The following SLC22A5 variants were observed in gnomAD, a reference collection of about 807,000 sequenced individuals.
The protein encoded by SLC22A5 is solute carrier family 22 member 5.
In SLC22A5, 44 loss-of-function variants were observed where a neutral mutation model predicts 56.7. The ratio of observed to expected loss-of-function variants is 0.78; its 90% CI spans 0.61 to 1.00. The LOEUF (loss-of-function observed/expected upper bound fraction) is 1.00, where lower values mean the gene tolerates loss of function less well. Among genes scored for constraint, SLC22A5 ranks in the 50% least tolerant of loss-of-function variants. The pLI is 0.00. For missense variants in SLC22A5, 675 were observed against 723.0 expected, an observed-to-expected ratio of 0.93 and a Z score of 0.76; for synonymous variants, 278 against 292.1, an observed-to-expected ratio of 0.95 and a Z score of 0.49.
intron 4 of SLC22A5, 29 bp downstream of exon 4, chr5:132,385,528 C>T (rs759289135): frequency 6.2e-7 from 1 of 1,601,742 alleles, no homozygotes; most frequent in Admixed American, 1.7e-5. Flanking sequence ...CCCATGTGCC[C>T]ACTGGCAGGA....
Position 132,393,771 on chromosome 5 carries a change from C to T in SLC22A5, c.1546C>T (p.Pro516Ser). The change falls in exon 9 of 10, where the codon CCA (proline) becomes TCA (serine). Residue 516 changes from proline (P) to serine (S), a missense_variant. Physicochemically the swap from Pro to Ser is moderately conservative, Grantham distance 74. Coordinates refer to ENST00000245407, the MANE Select transcript of SLC22A5 (RefSeq NM_003060.4). ...GTTTCTCCCAGAGAGCTTCGGTACC[C>T]CACTCCCAGACACCATTGACCAGAT... ...TLFLPESFGT[P>S]LPDTIDQMLR... The T allele has an allele frequency of 6.2e-7, 1 of 1,614,164 alleles. No homozygotes were observed. The highest frequency in any genetic ancestry group is 8.5e-7 in the Non-Finnish European group (1 of 1,180,022).
chr5:132,387,215 C>A, intron 5 of SLC22A5, 64 bp downstream of exon 5: 2 of 1,602,632 alleles, frequency 1.2e-6, no homozygotes, highest in East Asian at 2.2e-5. Flanking sequence ...CAGCAGCACC[C>A]AGCCCTGAAG....
At chr5:132,390,140 G>C (rs274553) in intron 6 of SLC22A5, 145,607 of 187,624 alleles carry the variant, frequency 0.78, 58,070 homozygotes, top group East Asian at 0.91. Context: ...AGCCACCTCT[G>C]TGCTCCACAA....
chr5:132,392,345 T>C (rs1242787058), intron 7 of SLC22A5, 88 bp from the exon 8 acceptor site: 9 of 1,260,196 alleles, frequency 7.1e-6, no homozygotes, highest in Middle Eastern at 1.9e-4. Flanking sequence ...CCCAAAAAAT[T>C]TGGGAAGAAA....
intron 4 of SLC22A5, among the ~76,000 whole-genome samples, chr5:132,386,134 G>C (rs888095621): frequency 6.6e-6 from 1 of 152,218 alleles, no homozygotes; most frequent in South Asian, 2.1e-4. Flanking sequence ...CGGCTACCTG[G>C]TCCCAGCAAG....
chr5:132,392,539 G>A lies in SLC22A5; in HGVS notation c.1374G>A (p.Val458=). Residue 458 remains valine (V), a synonymous_variant, in exon 8 of 10, where the codon GTG becomes GTA. Transcript: ENST00000245407. The stretch of plus-strand genomic sequence containing the variant: ...CAGCCGAGCTGTATCCCACAGTGGT[G>A]AGAAACATGGGTGTGGGAGTCAGCT... ...VYTAELYPTV[V]RNMGVGVSST... is the part of the protein sequence containing the mutation. 1 of 1,614,190 alleles carries A rather than the reference G, an allele frequency of 6.2e-7. No individual in the cohort carries two copies. The highest frequency in any genetic ancestry group is 8.5e-7 in the Non-Finnish European group (1 of 1,180,034).
At chr5:132,383,757 G>T in intron 2 of SLC22A5, 1 of 267,818 alleles carries the variant, frequency 3.7e-6, no homozygotes, top group South Asian at 4.3e-5. Flanking sequence ...CAGGACAAAT[G>T]TTTCTTTCTC....
At chr5:132,387,785 C>A (rs1464821410) in intron 5 of SLC22A5, 1 of 160,190 alleles carries the variant, frequency 6.2e-6, no homozygotes, top group Non-Finnish European at 1.4e-5. Context: ...CTACCTAGTT[C>A]CTGGTTCTTG....
intron 1 of SLC22A5, among the ~76,000 whole-genome samples, chr5:132,370,949 CA>C (rs1224998115): frequency 3.7e-5 from 4 of 106,760 alleles, no homozygotes; most frequent in African/African-American, 1.3e-4. Context: ...GGTCAGTTGT[CA>C]GTCTTTTTTT....
At chr5:132,385,813 G>A (rs1292673251) in intron 4 of SLC22A5, among the ~76,000 whole-genome samples, 3 of 152,276 alleles carry the variant, frequency 2.0e-5, no homozygotes. Context: ...GGACAGTGTA[G>A]GCCCTAGTTC....
Position 132,387,076 on chromosome 5 carries a change from G to A in SLC22A5, c.876G>A (p.Glu292=). 6.2e-7 allele frequency: 1 copy of A among 1,614,154 alleles called. No individual in the cohort carries two copies. Among genetic ancestry groups the A allele is most frequent in the Non-Finnish European group, 8.5e-7 (1 of 1,179,996 alleles). The change falls in exon 5 of 10, where the codon GAG becomes GAA. Residue 292 remains glutamate (E), a synonymous_variant. Transcript: ENST00000245407. Reference sequence around the variant, plus strand: ...TCATCTCTCAGGGACGATTTGAAGAGGCAGAGGTGATCATCCGCAAGGCTG... The same window carrying A: ...TCATCTCTCAGGGACGATTTGAAGAAGCAGAGGTGATCATCCGCAAGGCTG... ...RWLISQGRFE[E]AEVIIRKAAK...
rs373018486 is a variant in SLC22A5 at position 132,388,907 on chromosome 5, T to A, written c.952-14T>A. The A allele has an allele frequency of 6.4e-7, 1 of 1,552,780 alleles. No individual in the cohort carries two copies. The highest frequency in any genetic ancestry group is 8.9e-7 in the Non-Finnish European group (1 of 1,124,060). On this transcript the variant is annotated splice_polypyrimidine_tract_variant and intron_variant, in intron 5 of 9. Transcript: ENST00000245407. ...ACCTCTTCTTCCCATACACTTATGA[T>A]GTTGTTCCTGCAGTTACAAGACCTA...
intron 1 of SLC22A5, among the ~76,000 whole-genome samples, chr5:132,374,757 CCAA>C (rs1475342472): frequency 7.9e-6 from 1 of 126,742 alleles, no homozygotes; most frequent in East Asian, 2.4e-4. Flanking sequence ...GGTCAGGGAG[CCAA>C]AAAAAAAAAA....
chr5:132,371,272 A>T (rs190892975), intron 1 of SLC22A5, among the ~76,000 whole-genome samples: 9 of 151,872 alleles, frequency 5.9e-5, no homozygotes, highest in Non-Finnish European at 1.2e-4. Flanking sequence ...GTCAGTTGTC[A>T]CTCTTTAAGA....
rs774619135 is a variant in SLC22A5, at chr5:132,385,438, G to C, written c.763G>C (p.Asp255His). 2 of 1,614,180 alleles carry C rather than the reference G, an allele frequency of 1.2e-6. No homozygotes were observed. The highest frequency in any genetic ancestry group is 4.5e-5 in the East Asian group (2 of 44,888). The change falls in exon 4 of 10, where the codon GAC becomes CAC. Residue 255 changes from aspartate to histidine, a missense_variant. Transcript: ENST00000245407. ...VLPLFAYFIR[D>H]WRMLLVALTM... The stretch of plus-strand genomic sequence containing the variant: ...GCCACTGTTTGCTTACTTCATCCGA[G>C]ACTGGCGGATGCTGCTGGTGGCGCT...
Position 132,394,685 on chromosome 5 carries a change from G to A in SLC22A5, c.*413G>A, listed in dbSNP as rs1752819343. On this transcript the variant is annotated 3_prime_UTR_variant, in exon 10 of 10. Transcript: ENST00000245407. ...CCACCCCTTTCCCCACTCCCCTCTA[G>A]TGGTGAACTTTAGAGGAAAAGGAAG... 5.0e-6 allele frequency: 1 copy of A among 199,674 alleles called. No individual in the cohort carries two copies. Among genetic ancestry groups the A allele is most frequent in the Non-Finnish European group, 1.0e-5 (1 of 96,938 alleles). 12.4% of individuals were successfully genotyped at this position (199,674 alleles called of 1,614,324 possible).
At chr5:132,387,240 A>C in intron 5 of SLC22A5, 89 bp downstream of exon 5, 1 of 1,515,768 alleles carries the variant, frequency 6.6e-7, no homozygotes, top group Admixed American at 1.7e-5. Flanking sequence ...CCCTGCTCAC[A>C]GCAGCCCAGC....
At chr5:132,377,897 G>A (rs1752203094) in intron 1 of SLC22A5, 1 of 522,862 alleles carries the variant, frequency 1.9e-6, no homozygotes, top group South Asian at 2.2e-5. Context: ...GAGCAGAGCA[G>A]GTCCAGATGG....
chr5:132,391,813 T>C (rs1470563238), intron 7 of SLC22A5, among the ~76,000 whole-genome samples: 3 of 152,190 alleles, frequency 2.0e-5, no homozygotes, highest in Non-Finnish European at 4.4e-5. Flanking sequence ...TGGGAGCCTC[T>C]GATGGTCACT....
Sources: gnomAD v4.1 joint callset for allele counts (sites outside exome capture counted in the v4.1 genomes callset) on GRCh38, gnomAD v4.1.1 for gene constraint, MANE v1.5 for transcripts, NCBI Gene and HGNC (gene_info 2026-07-23, HGNC 2026-07-21) for gene names.